Variants in MSR1 observed in about 807,000 individuals in gnomAD.
MSR1 encodes macrophage scavenger receptor 1.
Under a neutral mutation model 47.2 loss-of-function variants are expected in MSR1, and 53 were observed. The ratio of observed to expected loss-of-function variants is 1.12; its 90% CI spans 0.90 to 1.41. The LOEUF is 1.41. Among genes scored for constraint, MSR1 ranks in the 40% most tolerant of loss-of-function variants. The pLI is 0.00. For synonymous variants in MSR1, 239 were observed against 185.6 expected (o/e 1.29, Z -2.34); for missense variants, 786 against 546.9 (o/e 1.44, Z -4.36).
intron 7 of MSR1, among the ~76,000 whole-genome samples, chr8:16,149,859 C>A (rs1800798974): frequency 6.6e-6 from 1 of 151,654 alleles, no homozygotes; most frequent in Non-Finnish European, 1.5e-5. Context: ...TTTCAACTCT[C>A]TTTGTTCAAA....
chr8:16,168,474 G>T lies in MSR1; in HGVS notation c.614C>A (p.Thr205Asn). Residue 205 changes from threonine (T) to asparagine (N), a missense_variant, in exon 4 of 10, where the codon ACC (threonine) becomes AAC (asparagine). Physicochemically the swap from Thr to Asn is moderately conservative, Grantham distance 65 (BLOSUM62 0). Transcript: ENST00000262101. ...ENLNGKIQENTFKQQEEISKL... is the reference protein window; with the variant it reads ...ENLNGKIQENNFKQQEEISKL... The stretch of plus-strand genomic sequence containing the variant: ...AACTCTTACCTCTTGTTGTTTGAAG[G>T]TATTCTCTTGGATTTTGCCATTCAG... The T allele has an allele frequency of 6.2e-7, 1 of 1,614,070 alleles. No homozygotes were observed.
Position 16,142,157 on chromosome 8 carries a change from C to G in MSR1, c.1033+1401G>C, listed in dbSNP as rs146902978. Among the ~76,000 whole-genome samples, 778 of 152,046 alleles carry G rather than the reference C, an allele frequency of 5.1e-3. 7 individuals carry two copies. The highest frequency in any genetic ancestry group is 8.1e-3 in the Non-Finnish European group (550 of 67,936). ...CAGCCTGGTCAAAATGGTGAAACCC[C>G]GTATCTACTAAATAACAAAAATTAG... On this transcript the variant is annotated intron_variant, in intron 8 of 9. Coordinates refer to ENST00000262101, the MANE Select transcript of MSR1 (RefSeq NM_138715.3).
chr8:16,112,338 T>C (rs1799776256), intron 9 of MSR1, among the ~76,000 whole-genome samples: 1 of 152,146 alleles, frequency 6.6e-6, no homozygotes, highest in Non-Finnish European at 1.5e-5. Flanking sequence ...CATAGATACA[T>C]AAACTGAGAC....
chr8:16,126,353 G>A, intron 8 of MSR1, among the ~76,000 whole-genome samples: 1 of 152,014 alleles, frequency 6.6e-6, no homozygotes, highest in Non-Finnish European at 1.5e-5. Context: ...TTATCCTATT[G>A]TTTACTCATA....
intron 8 of MSR1, chr8:16,139,631 T>G: frequency 1.0e-6 from 1 of 973,848 alleles, no homozygotes; most frequent in Non-Finnish European, 1.2e-6. Flanking sequence ...AATATTGGTA[T>G]TCTTTTTCAT....
chr8:16,169,119 A>G (rs1801409099), intron 3 of MSR1, among the ~76,000 whole-genome samples: 1 of 152,112 alleles, frequency 6.6e-6, no homozygotes, highest in African/African-American at 2.4e-5. Flanking sequence ...TGCTTTCTGA[A>G]TTGCTGCTTA....
chr8:16,126,566 T>C (rs1388207830), intron 8 of MSR1, among the ~76,000 whole-genome samples: 1 of 152,176 alleles, frequency 6.6e-6, no homozygotes, highest in African/African-American at 2.4e-5. Flanking sequence ...ATTACCTTAA[T>C]GAGATACTTA....
intron 8 of MSR1, among the ~76,000 whole-genome samples, chr8:16,141,631 G>A (rs1800559242): frequency 6.6e-6 from 1 of 152,100 alleles, no homozygotes. Flanking sequence ...GGAGGGCATG[G>A]TGGAGAATGC....
chr8:16,188,794 G>C (rs1452566039), intron 1 of MSR1, among the ~76,000 whole-genome samples: 2 of 151,768 alleles, frequency 1.3e-5, no homozygotes, highest in Non-Finnish European at 2.9e-5. Flanking sequence ...AGTTTGCTGA[G>C]AATGATGGTT....
At chr8:16,145,961 G>C (rs752468171) in intron 7 of MSR1, among the ~76,000 whole-genome samples, 28 of 152,028 alleles carry the variant, frequency 1.8e-4, no homozygotes, top group Non-Finnish European at 4.0e-4. Context: ...ATTTCTAAAA[G>C]CCATTCAAAA....
At chr8:16,124,396 G>C (rs573925656) in intron 8 of MSR1, among the ~76,000 whole-genome samples, 4 of 152,248 alleles carry the variant, frequency 2.6e-5, no homozygotes, top group South Asian at 2.1e-4. Context: ...GAATGATAGA[G>C]GATTTCCTGG....
At chr8:16,131,054 A>C (rs1024563081) in intron 8 of MSR1, among the ~76,000 whole-genome samples, 3 of 152,142 alleles carry the variant, frequency 2.0e-5, no homozygotes, top group Non-Finnish European at 4.4e-5. Context: ...ATAAACCACC[A>C]AAGTGCTTTC....
chr8:16,175,026 G>T (rs36054095), intron 3 of MSR1, among the ~76,000 whole-genome samples, 161 bp downstream of exon 3: 62 of 151,434 alleles, frequency 4.1e-4, no homozygotes, highest in Non-Finnish European at 8.1e-4. Flanking sequence ...TTAACTTTGC[G>T]GAATCTGTTT....
Position 16,164,227 on chromosome 8 carries a change from C to A in MSR1, c.655G>T (p.Val219Phe). 6.2e-7 allele frequency: 1 copy of A among 1,611,962 alleles called. No homozygotes were observed. The highest frequency in any genetic ancestry group is 8.5e-7 in the Non-Finnish European group (1 of 1,178,878). The change falls in exon 5 of 10, where the codon GTT becomes TTT. Residue 219 changes from valine (V) to phenylalanine (F), a missense_variant. Transcript: ENST00000262101. Reference sequence around the variant, plus strand: ...ATAATTTCTGCTGATACATTGTAAACACGCTCCTCTAATTTACTGATTTCC... The same window carrying A: ...ATAATTTCTGCTGATACATTGTAAAAACGCTCCTCTAATTTACTGATTTCC... Reference protein sequence around the residue: ...QEEISKLEERVYNVSAEIMAM... With the variant: ...QEEISKLEERFYNVSAEIMAM...
intron 8 of MSR1, among the ~76,000 whole-genome samples, chr8:16,122,840 A>ATTTTT (rs1585137942): frequency 3.9e-5 from 5 of 127,930 alleles, no homozygotes; most frequent in South Asian, 5.8e-4. Context: ...CTCTATTCAA[A>ATTTTT]TTCTTTTTTT....
At chr8:16,152,636 A>G (rs1161992150) in intron 6 of MSR1, among the ~76,000 whole-genome samples, 1 of 152,038 alleles carries the variant, frequency 6.6e-6, no homozygotes, top group Non-Finnish European at 1.5e-5. Context: ...TATTGATCAC[A>G]TTGGGCATAA....
Position 16,168,534 on chromosome 8 carries a change from G to T in MSR1, c.554C>A (p.Thr185Asn), listed in dbSNP as rs753789642. The T allele has an allele frequency of 1.2e-6, 2 of 1,614,112 alleles. No homozygotes were observed. The highest frequency in any genetic ancestry group is 4.5e-5 in the East Asian group (2 of 44,848). The change falls in exon 4 of 10, where the codon ACC becomes AAC. Residue 185 changes from threonine (T) to asparagine (N), a missense_variant. By Grantham distance (65) the Thr-to-Asn change is moderately conservative. Coordinates refer to ENST00000262101, the MANE Select transcript of MSR1 (RefSeq NM_138715.3). ...EISKSLISLN[T>N]TLLDLQLNIE... The stretch of plus-strand genomic sequence containing the variant: ...GTTGAGCTGCAAATCAAGCAATGTG[G>T]TATTCAAACTTATTAAGGACTTGGA...
chr8:16,159,641 C>A (rs1801108190), intron 5 of MSR1, among the ~76,000 whole-genome samples: 1 of 151,876 alleles, frequency 6.6e-6, no homozygotes, highest in African/African-American at 2.4e-5. Context: ...TGGCTAGGTG[C>A]TATAAGAGAT....
intron 8 of MSR1, chr8:16,141,052 CATAT>C: frequency 6.2e-7 from 1 of 1,612,818 alleles, no homozygotes; most frequent in Non-Finnish European, 8.5e-7. Context: ...GGTCCTGACA[CATAT>C]ATAAAGGAGG....
Sources: allele counts gnomAD v4.1 joint callset (sites outside exome capture counted in the v4.1 genomes callset), GRCh38; gene constraint gnomAD v4.1.1; transcripts MANE v1.5; gene names NCBI Gene and HGNC (gene_info 2026-07-23, HGNC 2026-07-21).